Variants in GNA12 observed in about 807,000 individuals in gnomAD.
GNA12 encodes guanine nucleotide-binding protein subunit alpha-12.
GNA12 carries 9 observed loss-of-function variants against 26.0 expected under a neutral mutation model. The ratio of observed to expected loss-of-function variants is 0.35; its 90% CI spans 0.21 to 0.60. The LOEUF is 0.60. Among genes scored for constraint, GNA12 ranks in the 20% least tolerant of loss-of-function variants. GNA12 has a pLI of 0.78. For synonymous variants in GNA12, 264 were observed against 219.6 expected, an observed-to-expected ratio of 1.20 and a Z score of -1.79; for missense variants, 405 against 525.8, an observed-to-expected ratio of 0.77 and a Z score of 2.25.
At chr7:2,747,425 T>A (rs937355069) in intron 2 of GNA12, among the ~76,000 whole-genome samples, 1 of 152,164 alleles carries the variant, frequency 6.6e-6, no homozygotes, top group South Asian at 2.1e-4. Context: ...AAAAACCACA[T>A]GACTATCTCA....
intron 2 of GNA12, among the ~76,000 whole-genome samples, chr7:2,791,449 T>C (rs2533888): frequency 0.46 from 68,747 of 149,712 alleles, 17,114 homozygotes; most frequent in Non-Finnish European, 0.55. Context: ...GGAGAAAGGG[T>C]CGTCACAAGG....
At chr7:2,837,467 T>A (rs1367849210) in intron 1 of GNA12, among the ~76,000 whole-genome samples, 4 of 152,186 alleles carry the variant, frequency 2.6e-5, no homozygotes, top group African/African-American at 9.7e-5. Flanking sequence ...GCAAGAGACA[T>A]AAATGTACAG....
intron 1 of GNA12, among the ~76,000 whole-genome samples, chr7:2,809,450 G>T (rs78633868): frequency 1.6e-4 from 24 of 152,088 alleles, no homozygotes; most frequent in African/African-American, 5.8e-4. Context: ...TTTTTCATTG[G>T]AAATTCCACC....
At chr7:2,789,991 T>G (rs1792476743) in intron 2 of GNA12, among the ~76,000 whole-genome samples, 1 of 152,216 alleles carries the variant, frequency 6.6e-6, no homozygotes, top group Non-Finnish European at 1.5e-5. Flanking sequence ...TGTGCTTGCA[T>G]CCACGTGCAT....
intron 1 of GNA12, among the ~76,000 whole-genome samples, chr7:2,832,378 C>T (rs968930250): frequency 6.6e-6 from 1 of 152,232 alleles, no homozygotes; most frequent in Non-Finnish European, 1.5e-5. Flanking sequence ...AGCAGGTCCT[C>T]CCGTGGACCC....
At chr7:2,759,468 C>T (rs1179166441) in intron 2 of GNA12, among the ~76,000 whole-genome samples, 2 of 152,184 alleles carry the variant, frequency 1.3e-5, no homozygotes, top group Non-Finnish European at 2.9e-5. Context: ...GGTTAAATAA[C>T]ATGCCCAAGT....
chr7:2,738,370 TAGG>T (rs1437149332), intron 2 of GNA12, among the ~76,000 whole-genome samples: 1 of 151,670 alleles, frequency 6.6e-6, no homozygotes, highest in Non-Finnish European at 1.5e-5. Context: ...AAACGTCTAG[TAGG>T]AGAAGCTGCT....
chr7:2,769,674 A>C (rs1236768186), intron 2 of GNA12, among the ~76,000 whole-genome samples: 3 of 152,066 alleles, frequency 2.0e-5, no homozygotes, highest in African/African-American at 7.2e-5. Flanking sequence ...TGGAGCTTGC[A>C]GTGAGCCGAG....
intron 2 of GNA12, among the ~76,000 whole-genome samples, chr7:2,739,584 T>G (rs1790395748): frequency 6.6e-6 from 1 of 152,232 alleles, no homozygotes; most frequent in South Asian, 2.1e-4. Flanking sequence ...TTGTGAACAG[T>G]GCTACAAACA....
intron 2 of GNA12, among the ~76,000 whole-genome samples, chr7:2,769,249 A>G (rs1791888596): frequency 1.3e-5 from 2 of 152,092 alleles, no homozygotes; most frequent in African/African-American, 2.4e-5. Flanking sequence ...TCTAATAGCC[A>G]TCTGGTATTC....
At chr7:2,793,866 C>T (rs11769532) in intron 2 of GNA12, among the ~76,000 whole-genome samples, 15,122 of 131,236 alleles carry the variant, frequency 0.12, 944 homozygotes, top group Middle Eastern at 0.23. Context: ...TGGGCAACAG[C>T]GCGAGACTCC....
chr7:2,799,479 G>C (rs1792757662), intron 1 of GNA12, among the ~76,000 whole-genome samples: 1 of 152,140 alleles, frequency 6.6e-6, no homozygotes, highest in African/African-American at 2.4e-5. Context: ...CTACTCAGGA[G>C]GCTGAGGCAT....
intron 2 of GNA12, among the ~76,000 whole-genome samples, chr7:2,767,260 T>C (rs899965248): frequency 5.9e-5 from 9 of 152,260 alleles, no homozygotes; most frequent in Non-Finnish European, 1.3e-4. Context: ...CATTGGTCTA[T>C]GTTTTCTTTT....
intron 2 of GNA12, among the ~76,000 whole-genome samples, chr7:2,738,847 G>GT (rs1162754764): frequency 3.3e-5 from 5 of 152,108 alleles, no homozygotes; most frequent in Non-Finnish European, 5.9e-5. Flanking sequence ...TTGTTTTTTT[G>GT]TTTTTTGCCA....
In GNA12 at chr7:2,742,616, A is replaced by G. The variant is rs370590442; in HGVS notation, c.526-9115T>C. 7.9e-5 allele frequency among the ~76,000 whole-genome samples: 12 copies of G among 152,172 alleles called. No homozygotes were observed. The South Asian group carries it at 1.2e-3, about 16-fold the overall frequency. On this transcript the variant is annotated intron_variant, in intron 2 of 3. Coordinates refer to ENST00000275364, the MANE Select transcript of GNA12 (RefSeq NM_007353.3). The stretch of plus-strand genomic sequence containing the variant: ...TCTCGCCGGCCCTTTGCGTTTCCAT[A>G]TTAGTTCTAAAGTCAGCTGTCAATG...
chr7:2,801,343 T>TCAAAGACGAAGTCAGGGGGC (rs2115467037), intron 1 of GNA12, among the ~76,000 whole-genome samples: 1 of 152,340 alleles, frequency 6.6e-6, no homozygotes, highest in Admixed American at 6.5e-5. Flanking sequence ...CATTTTTATG[T>TCAAAGACGAAGTCAGGGGGC]CAAAGACGAA....
intron 2 of GNA12, among the ~76,000 whole-genome samples, chr7:2,773,061 A>G (rs1791988263): frequency 6.6e-6 from 1 of 152,192 alleles, no homozygotes; most frequent in African/African-American, 2.4e-5. Flanking sequence ...AACAGGCAAA[A>G]CACTAATCTA....
intron 1 of GNA12, among the ~76,000 whole-genome samples, chr7:2,834,033 T>C (rs942988967): frequency 1.3e-5 from 2 of 152,232 alleles, no homozygotes; most frequent in Non-Finnish European, 2.9e-5. Flanking sequence ...ACTCTTGGGA[T>C]TCCGGATGTC....
At chr7:2,786,589 A>G (rs1020418416) in intron 2 of GNA12, among the ~76,000 whole-genome samples, 2 of 152,246 alleles carry the variant, frequency 1.3e-5, no homozygotes, top group African/African-American at 4.8e-5. Flanking sequence ...AAGACTAAGC[A>G]TATAGAAGTC....
Sources: gnomAD v4.1 joint callset for allele counts (sites outside exome capture counted in the v4.1 genomes callset) on GRCh38, gnomAD v4.1.1 for gene constraint, MANE v1.5 for transcripts, NCBI Gene and HGNC (gene_info 2026-07-23, HGNC 2026-07-21) for gene names.